The following PDK3 variants were observed in gnomAD, a reference collection of about 807,000 sequenced individuals.
PDK3 encodes the protein pyruvate dehydrogenase kinase, isozyme 3.
PDK3 carries 12 observed loss-of-function variants against 32.0 expected under a neutral mutation model. That is an observed-to-expected ratio of 0.37 (90% CI 0.24 to 0.61). PDK3 has a LOEUF of 0.61. Among genes scored for constraint, PDK3 ranks in the 20% least tolerant of loss-of-function variants. The pLI is 0.65. For missense variants in PDK3, 188 were observed against 316.9 expected (o/e 0.59, Z 3.09); for synonymous variants, 122 against 116.3 (o/e 1.05, Z -0.31).
At chrX:24,485,932 C>T (rs1190704351) in intron 1 of PDK3, among the ~76,000 whole-genome samples, 2 of 111,875 alleles carry the variant, frequency 1.8e-5, no homozygotes, top group Non-Finnish European at 3.8e-5. Flanking sequence ...TGGACATTAA[C>T]CCCCAAAAGA....
rs1569228203 is a variant in PDK3 at position 24,533,930 on chromosome X, C to T, written c.1079C>T (p.Ala360Val). 5.9e-6 allele frequency: 7 copies of T among 1,195,519 alleles called. No homozygotes were observed. The highest frequency in any genetic ancestry group is 6.8e-6 in the Non-Finnish European group (6 of 884,577). Reference sequence around the variant, plus strand: ...TGTATATTTTTGTTTCTCCAATAGGCTCTTTCAAGTGAGTCATTTGAGAGA... The same window carrying T: ...TGTATATTTTTGTTTCTCCAATAGGTTCTTTCAAGTGAGTCATTTGAGAGA... ...VGTDAVIYLKALSSESFERLP... is the reference protein window; with the variant it reads ...VGTDAVIYLKVLSSESFERLP... The change falls in exon 11 of 11, where the codon GCT becomes GTT. Residue 360 changes from alanine to valine, a missense_variant and splice_region_variant. Transcript: ENST00000379162.
intron 6 of PDK3, among the ~76,000 whole-genome samples, chrX:24,523,389 G>C (rs886497479): frequency 8.9e-5 from 10 of 112,447 alleles, no homozygotes; most frequent in African/African-American, 3.2e-4. Flanking sequence ...ACTTTTGAAA[G>C]AGGGTCACTA....
intron 2 of PDK3, among the ~76,000 whole-genome samples, chrX:24,497,578 G>T (rs1921748900): frequency 8.9e-6 from 1 of 112,884 alleles, no homozygotes; most frequent in African/African-American, 3.2e-5. Context: ...GAGCTAACAC[G>T]CCCAGCCCCC....
intron 5 of PDK3, among the ~76,000 whole-genome samples, chrX:24,506,801 CTTTTTTTTTTTTTT>C (rs10682263): frequency 2.0e-5 from 1 of 49,492 alleles, no homozygotes; most frequent in African/African-American, 8.7e-5. Flanking sequence ...TTTTTTCTTT[CTTTTTTTTTTTTTT>C]TTTTTTTTTT....
At chrX:24,475,436 C>T (rs948589290) in intron 1 of PDK3, among the ~76,000 whole-genome samples, 1 of 111,009 alleles carries the variant, frequency 9.0e-6, no homozygotes, top group Non-Finnish European at 1.9e-5. Flanking sequence ...GCAGGAGGAT[C>T]GCTTGAGTCC....
rs1273271817 is a variant in PDK3, at chrX:24,505,059, G to A, written c.506-150G>A. 4 of 377,605 alleles carry A rather than the reference G, an allele frequency of 1.1e-5. No homozygotes were observed. In the East Asian group the frequency reaches 1.8e-4, roughly 17 times the overall value. 31.1% of individuals were successfully genotyped at this position (377,605 alleles called of 1,213,427 possible). A position where few individuals can be genotyped will look rare whatever the true frequency, so the allele number is the denominator to read the frequency against. On this transcript the variant is annotated intron_variant, in intron 4 of 10. Coordinates refer to ENST00000379162, the MANE Select transcript of PDK3 (RefSeq NM_005391.5). ...TAAGAGTTGTTCACCCATCAATTGT[G>A]TGTATTCCATTGCTCTAAGTTGCTG...
intron 1 of PDK3, among the ~76,000 whole-genome samples, chrX:24,473,058 A>G (rs1158474813): frequency 9.1e-6 from 1 of 109,637 alleles, no homozygotes; most frequent in African/African-American, 3.3e-5. Context: ...GAGCAATGAA[A>G]ACATCACATT....
chrX:24,505,616 A>C, intron 5 of PDK3, among the ~76,000 whole-genome samples: 1 of 112,490 alleles, frequency 8.9e-6, no homozygotes, highest in South Asian at 3.7e-4. Flanking sequence ...AAAATTTCAG[A>C]GAATCCAAAT....
chrX:24,480,461 G>A, intron 1 of PDK3, among the ~76,000 whole-genome samples: 1 of 112,230 alleles, frequency 8.9e-6, no homozygotes, highest in African/African-American at 3.2e-5. Context: ...TGTCTGGGGA[G>A]CGCCTGAAAT....
chrX:24,539,047 T>C, downstream of PDK3: 3 of 574,202 alleles, frequency 5.2e-6, no homozygotes, highest in South Asian at 8.0e-5. Flanking sequence ...ATTATCACTA[T>C]AATGAAATAC....
chrX:24,518,193 A>G (rs1405548587), intron 5 of PDK3, among the ~76,000 whole-genome samples: 1 of 111,397 alleles, frequency 9.0e-6, no homozygotes, highest in Non-Finnish European at 1.9e-5. Context: ...AAACTTTGAG[A>G]AAAGAAAGCC....
chrX:24,533,017 C>T lies in PDK3; in HGVS notation c.1078-912C>T, dbSNP rs1922687816. Reference sequence around the variant, plus strand: ...TGGAGCACCCCAGATTTCAGATTTTCAGATTAGGGATGCTTAACAGGTAAG... The same window carrying T: ...TGGAGCACCCCAGATTTCAGATTTTTAGATTAGGGATGCTTAACAGGTAAG... On this transcript the variant is annotated intron_variant, in intron 10 of 10. Coordinates refer to ENST00000379162, the MANE Select transcript of PDK3 (RefSeq NM_005391.5). Among the ~76,000 whole-genome samples, 6 of 111,248 alleles carry T rather than the reference C, an allele frequency of 5.4e-5. 1 individual carries two copies. The South Asian group carries it at 2.3e-3, about 42-fold the overall frequency.
At chrX:24,513,421 C>T in intron 5 of PDK3, 1 of 115,566 alleles carries the variant, frequency 8.7e-6, no homozygotes. Context: ...TGCACTGTGG[C>T]CAGGGCCAAA....
At chrX:24,499,137 C>G (rs143841622) in intron 3 of PDK3, 192 of 231,827 alleles carry the variant, frequency 8.3e-4, no homozygotes, top group African/African-American at 5.0e-3. Flanking sequence ...TACTTAATAC[C>G]TTTACCCAAG....
At chrX:24,514,072 A>G (rs1367585697) in intron 5 of PDK3, among the ~76,000 whole-genome samples, 1 of 111,920 alleles carries the variant, frequency 8.9e-6, no homozygotes, top group East Asian at 2.8e-4. Flanking sequence ...GATTGCATGC[A>G]TTCAAGATAG....
rs750422993 is a variant in PDK3, at chrX:24,494,809, T to C, written c.174T>C (p.Ala58=). 2 of 1,201,512 alleles carry C rather than the reference T, an allele frequency of 1.7e-6. No individual in the cohort carries two copies. Among genetic ancestry groups the C allele is most frequent in the Non-Finnish European group, 1.1e-6 (1 of 886,822 alleles). Residue 58 remains alanine, a synonymous_variant, in exon 2 of 11, where the codon GCT becomes GCC. Coordinates refer to ENST00000379162, the MANE Select transcript of PDK3 (RefSeq NM_005391.5). ...FLRKELPVRL[A]NTMREVNLLP... ...GAAAGGAACTTCCTGTGCGGCTGGCTAACACAATGAGAGAAGTTAATCTTC... is the reference window on the plus strand; with the variant it reads ...GAAAGGAACTTCCTGTGCGGCTGGCCAACACAATGAGAGAAGTTAATCTTC...
At chrX:24,513,323 T>C (rs1922172205) in intron 5 of PDK3, 1 of 111,045 alleles carries the variant, frequency 9.0e-6, no homozygotes, top group Non-Finnish European at 1.9e-5. Flanking sequence ...AGAATTGCTT[T>C]GAGACTTGAA....
chrX:24,466,241 G>C, intron 1 of PDK3, among the ~76,000 whole-genome samples: 2 of 111,764 alleles, frequency 1.8e-5, no homozygotes, highest in Admixed American at 1.9e-4. Context: ...GTGGGCTGGT[G>C]GGCGGCTTTC....
chrX:24,475,070 G>A (rs190656028), intron 1 of PDK3, among the ~76,000 whole-genome samples: 6 of 111,964 alleles, frequency 5.4e-5, no homozygotes, highest in Admixed American at 9.5e-5. Flanking sequence ...CAGTGATTGC[G>A]TTCTTGGAGA....
Sources: gnomAD v4.1 joint callset for allele counts (sites outside exome capture counted in the v4.1 genomes callset) on GRCh38, gnomAD v4.1.1 for gene constraint, MANE v1.5 for transcripts, NCBI Gene and HGNC (gene_info 2026-07-23, HGNC 2026-07-21) for gene names.